PM20D2: variants seen among roughly 807,000 people sequenced by gnomAD.
The protein encoded by PM20D2 is xaa-Arg dipeptidase.
In PM20D2, 33 loss-of-function variants were observed where a neutral mutation model predicts 42.9. That is an observed-to-expected ratio of 0.77 (90% confidence interval 0.58 to 1.03). The LOEUF (loss-of-function observed/expected upper bound fraction) is 1.03, where lower values mean the gene tolerates loss of function less well. PM20D2 is among the 50% of genes least tolerant of loss of function. PM20D2 has a pLI of 0.00. For synonymous variants in PM20D2, 250 were observed against 228.2 expected (o/e 1.10, Z -0.86); for missense variants, 548 against 557.0 (o/e 0.98, Z 0.16).
chr6:89,112,468 A>T, the PM20D2 span, among the ~76,000 whole-genome samples: 26 of 137,286 alleles, frequency 1.9e-4, no homozygotes, highest in East Asian at 4.8e-3. Flanking sequence ...TTTTTTGGAG[A>T]CAGGGTCTCG....
At chr6:89,107,436 A>C in the PM20D2 span, among the ~76,000 whole-genome samples, 1 of 152,104 alleles carries the variant, frequency 6.6e-6, no homozygotes. Context: ...AGAAAGGAAA[A>C]AAACATTCTC....
At chr6:89,100,751 T>C in the PM20D2 span, among the ~76,000 whole-genome samples, 1 of 152,070 alleles carries the variant, frequency 6.6e-6, no homozygotes, top group Admixed American at 6.5e-5. Context: ...ACTAAAAATA[T>C]ATGATATCTG....
At chr6:89,098,557 TG>T in the PM20D2 span, 1 of 1,588,938 alleles carries the variant, frequency 6.3e-7, no homozygotes, top group African/African-American at 1.3e-5. Flanking sequence ...AAAGACGGCG[TG>T]GTGCTCTTTC....
the PM20D2 span, among the ~76,000 whole-genome samples, chr6:89,111,158 G>A: frequency 1.3e-5 from 2 of 151,544 alleles, no homozygotes; most frequent in East Asian, 3.9e-4. Context: ...ACCCAGACTG[G>A]AGTACTGTGG....
intron 1 of PM20D2, 151 bp from the exon 2 acceptor site, chr6:89,149,114 G>C (rs1399805790): frequency 1.1e-6 from 1 of 870,584 alleles, no homozygotes; most frequent in African/African-American, 1.7e-5. Flanking sequence ...ACCATTTGTT[G>C]ATGCCCATTG....
the PM20D2 span, among the ~76,000 whole-genome samples, chr6:89,104,122 A>G: frequency 2.1e-5 from 3 of 146,286 alleles, no homozygotes; most frequent in African/African-American, 7.6e-5. Flanking sequence ...TGGCACCTGG[A>G]CATTTTATTG....
At chr6:89,105,145 A>G in the PM20D2 span, 5 of 1,612,338 alleles carry the variant, frequency 3.1e-6, no homozygotes, top group Non-Finnish European at 4.2e-6. Context: ...ACCGCCTCCT[A>G]TTTCTTCCCC....
chr6:89,145,912 A>AC (rs1164671820), upstream of PM20D2: 5 of 391,094 alleles, frequency 1.3e-5, no homozygotes, highest in African/African-American at 1.0e-4. Flanking sequence ...TCTCCACAGC[A>AC]CCCCCAAAAC....
chr6:89,140,945 A>G, the PM20D2 span, among the ~76,000 whole-genome samples: 1 of 152,166 alleles, frequency 6.6e-6, no homozygotes, highest in South Asian at 2.1e-4. Flanking sequence ...ATTTTTGCTC[A>G]TTCCCTTTTT....
chr6:89,109,933 T>C, the PM20D2 span, among the ~76,000 whole-genome samples: 1 of 151,954 alleles, frequency 6.6e-6, no homozygotes, highest in South Asian at 2.1e-4. Context: ...CTACTAAAAA[T>C]ACAAAAAATT....
the PM20D2 span, among the ~76,000 whole-genome samples, chr6:89,108,350 C>T: frequency 6.6e-6 from 1 of 152,168 alleles, no homozygotes. Context: ...ATGATACAGA[C>T]AGATTATGGG....
chr6:89,119,823 C>A, the PM20D2 span, among the ~76,000 whole-genome samples: 1 of 152,206 alleles, frequency 6.6e-6, no homozygotes, highest in South Asian at 2.1e-4. Context: ...CTGTCTCTCT[C>A]TCTTTTTATT....
rs184896022 is a variant in PM20D2, at chr6:89,152,368, A to G, written c.615-675A>G. ...AGTGTTATCAAAGCACGTCAATCACAGAGCTTTATAAGTAACTATTCAACA... is the reference window on the plus strand; with the variant it reads ...AGTGTTATCAAAGCACGTCAATCACGGAGCTTTATAAGTAACTATTCAACA... On this transcript the variant is annotated intron_variant, in intron 2 of 6. Transcript: ENST00000275072. 2.0e-5 allele frequency among the ~76,000 whole-genome samples: 3 copies of G among 152,232 alleles called. No homozygotes were observed. In the East Asian group the frequency reaches 5.8e-4, roughly 29 times the overall value.
chr6:89,109,248 G>A, the PM20D2 span, among the ~76,000 whole-genome samples: 1 of 152,116 alleles, frequency 6.6e-6, no homozygotes, highest in Non-Finnish European at 1.5e-5. Flanking sequence ...GCCCAGTTAT[G>A]TTTAATTTTT....
At position 89,146,198 on chromosome 6, in the gene PM20D2, C is replaced by T; in HGVS notation, c.54C>T (p.Ser18=). The change falls in exon 1 of 7, where the codon TCC becomes TCT. Residue 18 remains serine (S), a synonymous_variant. Transcript: ENST00000275072. ...PVEGGACNGR[S]ELELLKLRSA... Reference sequence around the variant, plus strand: ...AAGGGGGCGCGTGCAATGGCCGCTCCGAGCTGGAGCTACTGAAGCTGCGCT... The same window carrying T: ...AAGGGGGCGCGTGCAATGGCCGCTCTGAGCTGGAGCTACTGAAGCTGCGCT... The T allele has an allele frequency of 1.3e-6, 2 of 1,550,878 alleles. No homozygotes were observed. The highest frequency in any genetic ancestry group is 1.2e-5 in the South Asian group (1 of 85,212).
At chr6:89,120,279 T>C in the PM20D2 span, among the ~76,000 whole-genome samples, 7 of 152,342 alleles carry the variant, frequency 4.6e-5, no homozygotes, top group African/African-American at 1.7e-4. Flanking sequence ...ATAAGGACAT[T>C]TGTCGTTGGA....
At chr6:89,117,901 G>T in the PM20D2 span, 4 of 1,559,182 alleles carry the variant, frequency 2.6e-6, no homozygotes, top group Non-Finnish European at 2.6e-6. Context: ...CGCTTCCTCC[G>T]TTCCCTCCGG....
chr6:89,109,372 C>G, the PM20D2 span, among the ~76,000 whole-genome samples: 3 of 151,902 alleles, frequency 2.0e-5, no homozygotes, highest in Non-Finnish European at 4.4e-5. Context: ...AGTAGGTACT[C>G]AATATATATT....
chr6:89,096,001 C>T, the PM20D2 span: 1 of 152,174 alleles, frequency 6.6e-6, no homozygotes, highest in Non-Finnish European at 1.5e-5. Context: ...AAGTATCTCT[C>T]TTAAATGGGC....
Sources: allele counts gnomAD v4.1 joint callset (sites outside exome capture counted in the v4.1 genomes callset), GRCh38; gene constraint gnomAD v4.1.1; transcripts MANE v1.5; gene names NCBI Gene and HGNC (gene_info 2026-07-23, HGNC 2026-07-21).